RARB: variants seen among roughly 807,000 people sequenced by gnomAD.
RARB encodes HBV-activated protein.
Under a neutral mutation model 51.9 loss-of-function variants are expected in RARB, and 17 were observed. That is an observed-to-expected ratio of 0.33 (90% CI 0.22 to 0.49). The LOEUF is 0.49. Ranked by LOEUF, RARB falls within the 20% of genes least tolerant of loss-of-function variation. The pLI, the probability that RARB is intolerant of heterozygous loss-of-function variation, is 0.99. For missense variants in RARB, 369 were observed against 550.8 expected (o/e 0.67, Z 3.30); for synonymous variants, 215 against 195.4 (o/e 1.10, Z -0.84).
At chr3:25,306,759 C>T (rs190780862) in intron 5 of RARB, among the ~76,000 whole-genome samples, 196 of 152,234 alleles carry the variant, frequency 1.3e-3, no homozygotes, top group Non-Finnish European at 2.2e-3. Flanking sequence ...GAATGTCTGC[C>T]GTTTCCACAA....
chr3:25,047,569 A>G (rs1310413815), intron 2 of RARB, among the ~76,000 whole-genome samples: 1 of 152,236 alleles, frequency 6.6e-6, no homozygotes, highest in Non-Finnish European at 1.5e-5. Flanking sequence ...CATTGTGTAC[A>G]TGGGGAAATG....
chr3:25,223,133 G>A (rs1357556108), intron 5 of RARB, among the ~76,000 whole-genome samples: 1 of 152,132 alleles, frequency 6.6e-6, no homozygotes, highest in Non-Finnish European at 1.5e-5. Flanking sequence ...ATATTAAGCA[G>A]TTCCCTCATG....
At chr3:25,391,256 C>T (rs1268463959) in intron 5 of RARB, among the ~76,000 whole-genome samples, 1 of 152,038 alleles carries the variant, frequency 6.6e-6, no homozygotes, top group East Asian at 1.9e-4. Context: ...AGTAGTATTC[C>T]ATGGTATATA....
chr3:25,338,445 C>T (rs1039445373), intron 5 of RARB, among the ~76,000 whole-genome samples: 2 of 152,272 alleles, frequency 1.3e-5, no homozygotes, highest in East Asian at 3.9e-4. Flanking sequence ...CTCTTTGCCA[C>T]CTTTGTAGAT....
chr3:25,330,331 C>A (rs527374450), intron 5 of RARB, among the ~76,000 whole-genome samples: 6 of 152,324 alleles, frequency 3.9e-5, no homozygotes, highest in Non-Finnish European at 8.8e-5. Flanking sequence ...AGACACTCTG[C>A]AAGCCAGAAG....
At chr3:25,021,114 C>T (rs936221342) in intron 2 of RARB, among the ~76,000 whole-genome samples, 2 of 152,042 alleles carry the variant, frequency 1.3e-5, no homozygotes, top group Admixed American at 6.5e-5. Flanking sequence ...TGATGGTGAA[C>T]GCTGTTGTAA....
chr3:25,063,611 C>T (rs1414201572), intron 3 of RARB, among the ~76,000 whole-genome samples: 4 of 151,632 alleles, frequency 2.6e-5, no homozygotes, highest in Non-Finnish European at 5.9e-5. Context: ...AAATCTATGC[C>T]GGTGGAATTT....
chr3:25,504,893 C>T (rs900878539), intron 3 of RARB, among the ~76,000 whole-genome samples: 28 of 150,842 alleles, frequency 1.9e-4, no homozygotes, highest in African/African-American at 5.9e-4. Flanking sequence ...AAGTAGCTGG[C>T]ATTATAGGCG....
chr3:25,494,253 G>GCACACACGCACACACACACACACA (rs757972807), intron 2 of RARB, among the ~76,000 whole-genome samples: 29 of 131,966 alleles, frequency 2.2e-4, no homozygotes, highest in African/African-American at 6.0e-4. Context: ...TGTATCTTAC[G>GCACACACGCACACACACACACACA]CACACACACA....
In RARB at chr3:25,037,277, G is replaced by A. The variant is rs557074277; in HGVS notation, c.-379-22848G>A. On this transcript the variant is annotated intron_variant, in intron 2 of 11. Coordinates refer to the RARB transcript ENST00000383772. ...TCACCAGCTTTTTTTTTTTTTTCCT[G>A]TTGGCCATGGCGAATAAAGTTTCAA... 6.2e-4 allele frequency among the ~76,000 whole-genome samples: 88 copies of A among 141,250 alleles called. 1 individual carries two copies. Among genetic ancestry groups the A allele is most frequent in the Non-Finnish European group, 1.1e-4 (7 of 65,002 alleles). The allele number at this position is 141,250 out of a possible 152,430, so 92.7% of individuals were successfully genotyped here.
chr3:24,859,495 T>A (rs1575039365), intron 2 of RARB, among the ~76,000 whole-genome samples: 1 of 152,290 alleles, frequency 6.6e-6, no homozygotes, highest in African/African-American at 2.4e-5. Context: ...AAAGCAGCTC[T>A]CTTGCTTTAG....
intron 5 of RARB, among the ~76,000 whole-genome samples, chr3:25,391,592 G>T (rs57487008): frequency 0.018 from 2,723 of 152,240 alleles, 78 homozygotes; most frequent in African/African-American, 0.059. Flanking sequence ...TCTTGCAGAA[G>T]TAAGATGGTA....
intron 1 of RARB, among the ~76,000 whole-genome samples, chr3:24,836,938 G>T (rs529698506): frequency 6.6e-6 from 1 of 152,314 alleles, no homozygotes; most frequent in African/African-American, 2.4e-5. Flanking sequence ...GCATCTACCA[G>T]TCTAAAGGTT....
intron 5 of RARB, among the ~76,000 whole-genome samples, chr3:25,203,018 T>C (rs926626747): frequency 6.6e-6 from 1 of 152,216 alleles, no homozygotes; most frequent in African/African-American, 2.4e-5. Flanking sequence ...TTGATCTGTC[T>C]AATGCTGACA....
intron 5 of RARB, among the ~76,000 whole-genome samples, chr3:25,344,248 C>A (rs80323488): frequency 0.042 from 6,351 of 152,176 alleles, 159 homozygotes; most frequent in Middle Eastern, 0.061. Context: ...AAGATAGTCA[C>A]ATCATACGTA....
intron 5 of RARB, among the ~76,000 whole-genome samples, chr3:25,308,594 A>G (rs892436206): frequency 6.6e-6 from 1 of 151,882 alleles, no homozygotes; most frequent in Non-Finnish European, 1.5e-5. Flanking sequence ...GATTACAGGC[A>G]TGCATTGCCA....
At chr3:25,417,902 C>T (rs7634488) in intron 5 of RARB, among the ~76,000 whole-genome samples, 10 of 152,048 alleles carry the variant, frequency 6.6e-5, no homozygotes, top group South Asian at 2.1e-4. Flanking sequence ...CAGGCTGGCA[C>T]GACAGCCAGT....
At chr3:25,006,711 A>G (rs946922486) in intron 2 of RARB, among the ~76,000 whole-genome samples, 4 of 152,138 alleles carry the variant, frequency 2.6e-5, no homozygotes, top group African/African-American at 9.7e-5. Context: ...ATTAGGTAAA[A>G]AATAGATTTT....
chr3:25,512,271 TG>T (rs1575475621), intron 3 of RARB, among the ~76,000 whole-genome samples: 3 of 152,324 alleles, frequency 2.0e-5, no homozygotes, highest in African/African-American at 7.2e-5. Context: ...GGACAGCTAA[TG>T]CTCCTTCCGA....
Sources: gnomAD v4.1 joint callset for allele counts (sites outside exome capture counted in the v4.1 genomes callset) on GRCh38, gnomAD v4.1.1 for gene constraint, MANE v1.5 for transcripts, NCBI Gene and HGNC (gene_info 2026-07-23, HGNC 2026-07-21) for gene names.